Variants in GUCY1A1 observed in about 807,000 individuals in gnomAD.
The protein encoded by GUCY1A1 is guanylate cyclase soluble subunit alpha-1.
Under a neutral mutation model 64.5 loss-of-function variants are expected in GUCY1A1, and 48 were observed. The ratio of observed to expected loss-of-function variants is 0.74; its 90% CI spans 0.59 to 0.95. The LOEUF (loss-of-function observed/expected upper bound fraction) is 0.95. Among genes scored for constraint, GUCY1A1 ranks in the 40% least tolerant of loss-of-function variants. The pLI, the probability that GUCY1A1 is intolerant of heterozygous loss-of-function variation, is 0.00. For synonymous variants in GUCY1A1, 308 were observed against 303.4 expected (o/e 1.02, Z -0.16); for missense variants, 804 against 825.3 (o/e 0.97, Z 0.32).
chr4:155,697,214 A>T, intron 3 of GUCY1A1, 92 bp downstream of exon 3: 1 of 877,612 alleles, frequency 1.1e-6, no homozygotes, highest in Non-Finnish European at 1.8e-6. Flanking sequence ...TTCCTTTCTC[A>T]CTTTCAAGGC....
intron 5 of GUCY1A1, among the ~76,000 whole-genome samples, chr4:155,709,196 G>A (rs115917428): frequency 0.47 from 26,551 of 56,604 alleles, 2,649 homozygotes; most frequent in East Asian, 0.56. Flanking sequence ...CAAAACGGTC[G>A]TCCTGACACC....
At chr4:155,696,518 A>G (rs1730429442) in intron 2 of GUCY1A1, among the ~76,000 whole-genome samples, 1 of 152,236 alleles carries the variant, frequency 6.6e-6, no homozygotes, top group Non-Finnish European at 1.5e-5. Flanking sequence ...TTGGAAAAAT[A>G]TATTTTATTT....
At chr4:155,691,113 A>G (rs1729681483) in intron 2 of GUCY1A1, among the ~76,000 whole-genome samples, 2 of 152,268 alleles carry the variant, frequency 1.3e-5, no homozygotes, top group Admixed American at 1.3e-4. Context: ...GATATCAGTA[A>G]CATACTAAAG....
At chr4:155,671,543 C>T (rs934097968) in intron 2 of GUCY1A1, among the ~76,000 whole-genome samples, 35 of 152,164 alleles carry the variant, frequency 2.3e-4, no homozygotes, top group African/African-American at 8.2e-4. Context: ...TTCTAGTCTG[C>T]CCAGATTATC....
Position 155,710,565 on chromosome 4 carries a change from G to A in GUCY1A1, c.400G>A (p.Glu134Lys), listed in dbSNP as rs1293248600. The A allele has an allele frequency of 6.2e-7, 1 of 1,603,508 alleles. No individual in the cohort carries two copies. Among genetic ancestry groups the A allele is most frequent in the African/African-American group, 1.3e-5 (1 of 74,482 alleles). ...AGGAGTTCCAGTGGAGGTTATCAAA[G>A]AATCTCTTGGTGAAGAGGTTTTTAA... ...AAGVPVEVIK[E>K]SLGEEVFKIC... The change falls in exon 6 of 10, where the codon GAA (glutamate) becomes AAA (lysine). Residue 134 changes from glutamate to lysine, a missense_variant. Transcript: ENST00000506455.
At chr4:155,674,363 A>G (rs1578994743) in intron 2 of GUCY1A1, among the ~76,000 whole-genome samples, 1 of 150,964 alleles carries the variant, frequency 6.6e-6, no homozygotes, top group Admixed American at 6.6e-5. Context: ...AAAAAAAAAA[A>G]AGAAAGAAAG....
At position 155,730,801 on chromosome 4, in the gene GUCY1A1, G is replaced by A. The variant is rs1398185669; in HGVS notation, c.*570G>A. 1.3e-5 allele frequency: 2 copies of A among 152,660 alleles called. No homozygotes were observed. Among genetic ancestry groups the A allele is most frequent in the Non-Finnish European group, 3.0e-5 (2 of 67,694 alleles). 9.5% of individuals were successfully genotyped at this position (152,660 alleles called of 1,614,324 possible). On this transcript the variant is annotated 3_prime_UTR_variant, in exon 10 of 10. Coordinates refer to ENST00000506455, the MANE Select transcript of GUCY1A1 (RefSeq NM_001130682.3). ...TTCTTTTTAGAAAATAAGCAATTAG[G>A]GGTTAGATGCAATATGAATATAAAA...
chr4:155,708,268 C>T lies in GUCY1A1; in HGVS notation c.350C>T (p.Thr117Ile), dbSNP rs1038284266. Residue 117 changes from threonine (T) to isoleucine (I), a missense_variant, in exon 5 of 10, where the codon ACA becomes ATA. By Grantham distance (89) the Thr-to-Ile change is moderately conservative (BLOSUM62 -1). Transcript: ENST00000506455. ...TTGGAAAGAGAAGACTTTGAAAAAA[C>T]AATTGCAGAGCAAGCAGTTGCAGCA... ...KSLEREDFEK[T>I]IAEQAVAAGV... is the part of the protein sequence containing the mutation. The T allele has an allele frequency of 3.2e-6, 5 of 1,555,588 alleles. No individual in the cohort carries two copies. The highest frequency in any genetic ancestry group is 3.5e-6 in the Non-Finnish European group (4 of 1,127,764).
At chr4:155,690,246 G>A (rs946533154) in intron 2 of GUCY1A1, among the ~76,000 whole-genome samples, 1 of 152,114 alleles carries the variant, frequency 6.6e-6, no homozygotes, top group African/African-American at 2.4e-5. Flanking sequence ...AGTAAAGTCA[G>A]AGGAATGTGT....
chr4:155,719,585 T>C (rs1733701992), intron 8 of GUCY1A1, among the ~76,000 whole-genome samples: 2 of 152,188 alleles, frequency 1.3e-5, no homozygotes, highest in Non-Finnish European at 2.9e-5. Context: ...TATTTTCTTT[T>C]TTTATTTTTC....
At chr4:155,690,698 T>C (rs1201502993) in intron 2 of GUCY1A1, among the ~76,000 whole-genome samples, 1 of 152,188 alleles carries the variant, frequency 6.6e-6, no homozygotes, top group Non-Finnish European at 1.5e-5. Flanking sequence ...GCAGCTCAGA[T>C]GTTTCTGAGA....
intron 6 of GUCY1A1, among the ~76,000 whole-genome samples, chr4:155,712,162 GCT>G (rs554657636): frequency 3.0e-4 from 46 of 152,164 alleles, no homozygotes; most frequent in African/African-American, 1.1e-3. Context: ...ACTGCGTCTT[GCT>G]CTGTCGCCCA....
intron 8 of GUCY1A1, 38 bp downstream of exon 8, chr4:155,717,340 G>A (rs1457820942): frequency 1.4e-6 from 2 of 1,453,978 alleles, no homozygotes; most frequent in East Asian, 2.4e-5. Context: ...GATGTCACAA[G>A]AGCAAATGCG....
rs561489845 is a variant in GUCY1A1, at chr4:155,729,137, A to T, written c.1872-893A>T. ...TCATTCTATTTAATGTAGACATGAC[A>T]TTACAGACTAGTGAGTAGAAGACCA... On this transcript the variant is annotated intron_variant, in intron 9 of 9. Coordinates refer to ENST00000506455, the MANE Select transcript of GUCY1A1 (RefSeq NM_001130682.3). Among the ~76,000 whole-genome samples the T allele has an allele frequency of 1.3e-5, 2 of 151,946 alleles. 1 individual carries two copies. The highest frequency in any genetic ancestry group is 4.1e-4 in the South Asian group (2 of 4,820).
chr4:155,679,529 A>G (rs13107809), intron 2 of GUCY1A1, among the ~76,000 whole-genome samples: 79,881 of 151,932 alleles, frequency 0.53, 21,782 homozygotes, highest in East Asian at 0.83. Flanking sequence ...GAGAGGAGAC[A>G]CCAGGCTTTT....
At chr4:155,683,009 G>T (rs991596087) in intron 2 of GUCY1A1, among the ~76,000 whole-genome samples, 1 of 152,008 alleles carries the variant, frequency 6.6e-6, no homozygotes, top group Non-Finnish European at 1.5e-5. Context: ...TAATTGAGTG[G>T]CCAAATGATG....
chr4:155,680,968 C>A (rs1274635728), intron 2 of GUCY1A1, among the ~76,000 whole-genome samples: 1 of 139,814 alleles, frequency 7.2e-6, no homozygotes, highest in Non-Finnish European at 1.5e-5. Context: ...CACACACATG[C>A]ACACACACAC....
At chr4:155,728,917 C>T (rs1305855302) in intron 9 of GUCY1A1, among the ~76,000 whole-genome samples, 1 of 151,784 alleles carries the variant, frequency 6.6e-6, no homozygotes, top group Non-Finnish European at 1.5e-5. Context: ...TATGTATTCT[C>T]AAATAATAGT....
intron 2 of GUCY1A1, among the ~76,000 whole-genome samples, chr4:155,687,211 T>C (rs1479959279): frequency 1.2e-4 from 19 of 152,144 alleles, no homozygotes; most frequent in Non-Finnish European, 2.6e-4. Context: ...CATTTGGTTG[T>C]ATGTACCAAA....
Sources: gnomAD v4.1 joint callset for allele counts (sites outside exome capture counted in the v4.1 genomes callset) on GRCh38, gnomAD v4.1.1 for gene constraint, MANE v1.5 for transcripts, NCBI Gene and HGNC (gene_info 2026-07-23, HGNC 2026-07-21) for gene names.